Variants in ZDHHC17 observed in about 807,000 individuals in gnomAD.
ZDHHC17 encodes palmitoyltransferase ZDHHC17.
A neutral mutation model predicts 90.3 loss-of-function variants in ZDHHC17; 40 were observed. The ratio of observed to expected loss-of-function variants is 0.44; its 90% CI spans 0.34 to 0.58. ZDHHC17 has a LOEUF of 0.58. ZDHHC17 is among the 20% of genes least tolerant of loss of function. The probability of loss-of-function intolerance (pLI) is 0.01; values close to 1 mark genes in which losing one functional copy is unlikely to be tolerated. For synonymous variants in ZDHHC17, 235 were observed against 252.4 expected, an observed-to-expected ratio of 0.93 and a Z score of 0.65; for missense variants, 614 against 780.8, an observed-to-expected ratio of 0.79 and a Z score of 2.55.
rs193268381 is a variant in ZDHHC17, at chr12:76,837,845, G to T, written c.1142-4137G>T. 5.8e-3 allele frequency among the ~76,000 whole-genome samples: 888 copies of T among 152,068 alleles called. 10 individuals carry two copies. Among genetic ancestry groups the T allele is most frequent in the African/African-American group, 0.021 (864 of 41,516 alleles). On this transcript the variant is annotated intron_variant, in intron 10 of 16. Transcript: ENST00000426126. Reference sequence around the variant, plus strand: ...ATTATTATTATTTTTTGAGATGGAGGTCTCACTATGTTGGCCAGGCTGGTC... The same window carrying T: ...ATTATTATTATTTTTTGAGATGGAGTTCTCACTATGTTGGCCAGGCTGGTC...
intron 7 of ZDHHC17, among the ~76,000 whole-genome samples, chr12:76,819,169 A>G (rs1419444015): frequency 1.3e-5 from 2 of 152,212 alleles, no homozygotes; most frequent in Non-Finnish European, 2.9e-5. Flanking sequence ...GATTGTGAAG[A>G]CTGAAGAAGG....
chr12:76,789,766 G>A (rs1380479437), intron 1 of ZDHHC17, among the ~76,000 whole-genome samples: 2 of 152,032 alleles, frequency 1.3e-5, no homozygotes, highest in Non-Finnish European at 2.9e-5. Flanking sequence ...CATAACTTGA[G>A]TCTAGTAATG....
intron 16 of ZDHHC17, 34 bp from the exon 17 acceptor site, chr12:76,850,813 C>G: frequency 1.2e-6 from 2 of 1,606,414 alleles, no homozygotes; most frequent in Non-Finnish European, 1.7e-6. Context: ...TTTGTACTGA[C>G]TGACGTGTTT....
intron 8 of ZDHHC17, among the ~76,000 whole-genome samples, chr12:76,823,255 A>G (rs1297955584): frequency 2.6e-5 from 4 of 151,512 alleles, no homozygotes; most frequent in African/African-American, 9.7e-5. Context: ...ACTACTCACA[A>G]CTCCAGCTCT....
At chr12:76,818,840 G>C (rs1432614695) in intron 7 of ZDHHC17, among the ~76,000 whole-genome samples, 1 of 152,208 alleles carries the variant, frequency 6.6e-6, no homozygotes, top group African/African-American at 2.4e-5. Context: ...AAGGATTTAT[G>C]TAGGCTGATT....
chr12:76,772,378 A>G (rs12366763), intron 1 of ZDHHC17, among the ~76,000 whole-genome samples: 1,678 of 152,246 alleles, frequency 0.011, 11 homozygotes, highest in Non-Finnish European at 0.017. Context: ...CCCTGCCTGT[A>G]CACATGCATA....
chr12:76,764,280 C>A lies in ZDHHC17; in HGVS notation c.44C>A (p.Pro15Gln). Residue 15 changes from proline (P) to glutamine (Q), a missense_variant, in exon 1 of 17, where the codon CCG becomes CAG. Physicochemically the swap from Pro to Gln is moderately conservative, Grantham distance 76 (BLOSUM62 -1). Transcript: ENST00000426126. ...TTTAACACCAAGATGGCGGACGGCC[C>A]GGATGAGTACGATACCGAAGCGGGC... ...EGFNTKMADG[P>Q]DEYDTEAGCV... The A allele has an allele frequency of 6.2e-7, 1 of 1,607,250 alleles. No homozygotes were observed. Among genetic ancestry groups the A allele is most frequent in the Non-Finnish European group, 8.5e-7 (1 of 1,177,050 alleles).
Position 76,850,905 on chromosome 12 carries a change from C to T in ZDHHC17, c.1819C>T (p.Arg607Cys). 1.2e-6 allele frequency: 2 copies of T among 1,613,924 alleles called. No homozygotes were observed. The highest frequency in any genetic ancestry group is 8.5e-7 in the Non-Finnish European group (1 of 1,179,872). ...TGAATTTCGATGCTGTGGCCTCTTTCGTCCTGTTATCGTGGACTGGACCAG... is the reference window on the plus strand; with the variant it reads ...TGAATTTCGATGCTGTGGCCTCTTTTGTCCTGTTATCGTGGACTGGACCAG... ...FFEFRCCGLF[R>C]PVIVDWTRQY... Residue 607 changes from arginine (R) to cysteine (C), a missense_variant, in exon 17 of 17, where the codon CGT (arginine) becomes TGT (cysteine). Physicochemically the swap from Arg to Cys is radical, Grantham distance 180 (BLOSUM62 -3). Coordinates refer to ENST00000426126, the MANE Select transcript of ZDHHC17 (RefSeq NM_015336.4).
At chr12:76,775,798 A>G (rs1236612940) in intron 1 of ZDHHC17, among the ~76,000 whole-genome samples, 1 of 152,198 alleles carries the variant, frequency 6.6e-6, no homozygotes, top group Non-Finnish European at 1.5e-5. Context: ...TTAAGAGAGC[A>G]TGTACACTAT....
At chr12:76,804,839 G>A (rs934599674) in intron 2 of ZDHHC17, among the ~76,000 whole-genome samples, 2 of 152,098 alleles carry the variant, frequency 1.3e-5, no homozygotes, top group East Asian at 3.8e-4. Flanking sequence ...TCTCACTTTC[G>A]CCTTTCCTCG....
chr12:76,776,284 T>G (rs1184455784), intron 1 of ZDHHC17, among the ~76,000 whole-genome samples: 1 of 152,192 alleles, frequency 6.6e-6, no homozygotes, highest in African/African-American at 2.4e-5. Context: ...GGGTTTTTTT[T>G]AGCCTTAATG....
In ZDHHC17 at chr12:76,791,785, A is replaced by C. The variant is rs74442318; in HGVS notation, c.94-5649A>C. Among the ~76,000 whole-genome samples, 5 of 152,294 alleles carry C rather than the reference A, an allele frequency of 3.3e-5. No homozygotes were observed. The East Asian group carries it at 9.6e-4, about 29-fold the overall frequency. ...TCCAGTATTTCTGGACTGACTGGCT[A>C]TAAATTGGGTTCCCATGACTCCCTC... On this transcript the variant is annotated intron_variant, in intron 1 of 16. Transcript: ENST00000426126.
chr12:76,817,211 G>T lies in ZDHHC17; in HGVS notation c.771+1192G>T, dbSNP rs148815387. ...ATGCTCTTAAAAGTTTATAACACTG[G>T]AATGAGTAAATTGGCTGATCCCAGG... On this transcript the variant is annotated intron_variant, in intron 7 of 16. Transcript: ENST00000426126. Among the ~76,000 whole-genome samples the T allele has an allele frequency of 7.2e-5, 11 of 152,158 alleles. 1 individual carries two copies. The East Asian group carries it at 2.1e-3, about 29-fold the overall frequency.
intron 8 of ZDHHC17, among the ~76,000 whole-genome samples, chr12:76,826,082 G>A (rs979957122): frequency 3.3e-5 from 5 of 152,168 alleles, no homozygotes; most frequent in Non-Finnish European, 5.9e-5. Context: ...GCCTCCCAAA[G>A]TGTTGGGATT....
intron 10 of ZDHHC17, among the ~76,000 whole-genome samples, chr12:76,837,557 T>C (rs892150696): frequency 1.3e-5 from 2 of 152,216 alleles, no homozygotes; most frequent in Non-Finnish European, 2.9e-5. Flanking sequence ...ACAACCAGTA[T>C]GTTTCAGAGG....
chr12:76,796,341 T>G (rs1952819361), intron 1 of ZDHHC17, among the ~76,000 whole-genome samples: 1 of 152,130 alleles, frequency 6.6e-6, no homozygotes, highest in African/African-American at 2.4e-5. Context: ...CTGAACAAAC[T>G]CAGTTTTTCA....
chr12:76,764,701 C>T, intron 1 of ZDHHC17: 1 of 492,798 alleles, frequency 2.0e-6, no homozygotes, highest in Non-Finnish European at 4.0e-6. Flanking sequence ...CAGGTGGAAG[C>T]GCGTCTGGTT....
intron 1 of ZDHHC17, among the ~76,000 whole-genome samples, chr12:76,779,688 C>T (rs559031017): frequency 1.9e-4 from 29 of 152,248 alleles, no homozygotes; most frequent in East Asian, 7.7e-4. Context: ...GAAGTCTATT[C>T]GACCAATTTT....
At chr12:76,828,778 T>C (rs962298523) in intron 10 of ZDHHC17, among the ~76,000 whole-genome samples, 1 of 152,218 alleles carries the variant, frequency 6.6e-6, no homozygotes, top group Non-Finnish European at 1.5e-5. Flanking sequence ...ATTAGTATTG[T>C]TATCCCCCTT....
Sources: gnomAD v4.1 joint callset for allele counts (sites outside exome capture counted in the v4.1 genomes callset) on GRCh38, gnomAD v4.1.1 for gene constraint, MANE v1.5 for transcripts, NCBI Gene and HGNC (gene_info 2026-07-23, HGNC 2026-07-21) for gene names.